The following COL9A1 variants were observed in gnomAD, a reference collection of about 807,000 sequenced individuals.
COL9A1 encodes collagen type IX alpha 1 chain.
Under a neutral mutation model 142.6 loss-of-function variants are expected in COL9A1, and 104 were observed. That is an observed-to-expected ratio of 0.73 (90% CI 0.62 to 0.86). COL9A1 has a LOEUF of 0.86. COL9A1 is among the 40% of genes least tolerant of loss of function. The probability of loss-of-function intolerance (pLI) is 0.00; values close to 1 mark genes in which losing one functional copy is unlikely to be tolerated. For synonymous variants in COL9A1, 466 were observed against 396.0 expected (o/e 1.18, Z -2.10); for missense variants, 1,210 against 1,176.6 (o/e 1.03, Z -0.42).
intron 5 of COL9A1, among the ~76,000 whole-genome samples, chr6:70,293,545 T>C (rs1369620440): frequency 6.6e-6 from 1 of 151,802 alleles, no homozygotes; most frequent in Non-Finnish European, 1.5e-5. Context: ...ACTTTCATTC[T>C]TGTTGACCAG....
intron 37 of COL9A1, among the ~76,000 whole-genome samples, chr6:70,221,620 T>G (rs997367457): frequency 3.1e-4 from 47 of 152,194 alleles, no homozygotes; most frequent in African/African-American, 1.1e-3. Flanking sequence ...CAAAGCCAGC[T>G]ACAACTTCCA....
intron 19 of COL9A1, chr6:70,261,071 G>T: frequency 9.8e-6 from 2 of 204,956 alleles, no homozygotes; most frequent in Non-Finnish European, 9.9e-6. Flanking sequence ...CATGTAACCT[G>T]GTTACATGTA....
In COL9A1 at chr6:70,270,334, G is replaced by T; in HGVS notation, c.1177C>A (p.Pro393Thr). The T allele has an allele frequency of 6.2e-7, 1 of 1,613,758 alleles. No homozygotes were observed. Among genetic ancestry groups the T allele is most frequent in the Non-Finnish European group, 8.5e-7 (1 of 1,179,840 alleles). Residue 393 changes from proline (P) to threonine (T), a missense_variant, in exon 15 of 38, where the codon CCT becomes ACT. Physicochemically the swap from Pro to Thr is conservative, Grantham distance 38. Transcript: ENST00000357250. The stretch of plus-strand genomic sequence containing the variant: ...CTTACTCTGGGTCCTGGGGGGCCAG[G>T]GGGGCCAGGTGGTCCTCTTCTCCCA... ...DPGRRGPPGP[P>T]GPPGPRGTIG...
intron 28 of COL9A1, among the ~76,000 whole-genome samples, chr6:70,244,968 G>A (rs1208098649): frequency 6.6e-6 from 1 of 152,184 alleles, no homozygotes; most frequent in African/African-American, 2.4e-5. Flanking sequence ...AGCACGGAGA[G>A]AAGGATCAGT....
At chr6:70,246,452 C>G (rs1414893282) in intron 28 of COL9A1, 1 of 152,060 alleles carries the variant, frequency 6.6e-6, no homozygotes, top group Admixed American at 6.6e-5. Flanking sequence ...ATCACTGATT[C>G]CCAGTGATAG....
intron 6 of COL9A1, chr6:70,283,129 C>A (rs1345749401): frequency 2.6e-6 from 4 of 1,534,644 alleles, no homozygotes; most frequent in Non-Finnish European, 3.5e-6. Context: ...CCGCCACTAG[C>A]ATAGGTGGCA....
At chr6:70,242,777 T>C (rs1770348633) in intron 28 of COL9A1, 62 bp from the exon 29 acceptor site, 2 of 1,505,630 alleles carry the variant, frequency 1.3e-6, no homozygotes, top group Admixed American at 1.7e-5. Context: ...TTAGTTACTA[T>C]GTAAATAAAA....
intron 37 of COL9A1, among the ~76,000 whole-genome samples, chr6:70,223,721 T>C (rs1769042417): frequency 6.6e-6 from 1 of 152,260 alleles, no homozygotes; most frequent in Non-Finnish European, 1.5e-5. Context: ...CCCTCTTCTC[T>C]GGCATCTGTG....
intron 5 of COL9A1, among the ~76,000 whole-genome samples, chr6:70,293,705 C>T (rs1342857156): frequency 6.7e-6 from 1 of 149,726 alleles, no homozygotes; most frequent in Non-Finnish European, 1.5e-5. Context: ...TCCAAATCAG[C>T]GAGTCCCTAG....
Position 70,271,694 on chromosome 6 carries a change from T to G in COL9A1, c.1104A>C (p.Thr368=), listed in dbSNP as rs1458754255. 1 of 1,613,806 alleles carries G rather than the reference T, an allele frequency of 6.2e-7. No individual in the cohort carries two copies. ...GGCCAAGCTCTCCAGGGAGTCCTGC[T>G]GTCCCAGGAGGACCCTGAAGTCAAC... is the stretch of plus-strand genomic sequence containing the variant. ...GIPGPPGPPG[T]AGLPGELGRV... The change falls in exon 14 of 38, where the codon ACA becomes ACC. Residue 368 remains threonine (T), a synonymous_variant. Coordinates refer to ENST00000357250, the MANE Select transcript of COL9A1 (RefSeq NM_001851.6).
At position 70,260,742 on chromosome 6, in the gene COL9A1, T is replaced by C. The variant is rs1397444144; in HGVS notation, c.1396-32A>G. The C allele has an allele frequency of 3.1e-6, 5 of 1,609,658 alleles. No homozygotes were observed. The Admixed American group carries it at 6.7e-5, about 21-fold the overall frequency. ...ATGTGAAAAAGAGAAGTGAATTATTTTAGTTGAAGCAAAGATTTTTAAAAA... is the reference window on the plus strand; with the variant it reads ...ATGTGAAAAAGAGAAGTGAATTATTCTAGTTGAAGCAAAGATTTTTAAAAA... On this transcript the variant is annotated intron_variant, in intron 19 of 37. Coordinates refer to ENST00000357250, the MANE Select transcript of COL9A1 (RefSeq NM_001851.6).
intron 14 of COL9A1, 138 bp from the exon 15 acceptor site, chr6:70,270,505 G>A (rs1035624849): frequency 2.1e-5 from 12 of 584,478 alleles, no homozygotes; most frequent in South Asian, 6.1e-5. Flanking sequence ...CACCAAAATC[G>A]ATGGGTGGCC....
chr6:70,245,624 G>C (rs1391210190), intron 28 of COL9A1: 1 of 152,140 alleles, frequency 6.6e-6, no homozygotes, highest in African/African-American at 2.4e-5. Flanking sequence ...AAAGGAATAA[G>C]AAGAAACTGG....
At chr6:70,217,232 T>C (rs1006599777) in intron 37 of COL9A1, 151 bp from the exon 38 acceptor site, 3 of 721,702 alleles carry the variant, frequency 4.2e-6, no homozygotes, top group Admixed American at 2.2e-5. Context: ...GTGATGATGA[T>C]GATGATGATG....
At chr6:70,270,977 T>C (rs1772362977) in intron 14 of COL9A1, among the ~76,000 whole-genome samples, 1 of 152,264 alleles carries the variant, frequency 6.6e-6, no homozygotes, top group Admixed American at 6.5e-5. Context: ...TCCTTCTTGA[T>C]GTTCTGCCAT....
At position 70,280,857 on chromosome 6, in the gene COL9A1, C is replaced by T. The variant is rs1441320695; in HGVS notation, c.930G>A (p.Pro310=). ...GCTTGCCTGGAGCTCCTGGCTTTCC[C>T]GGTTCACCTGCAGGACCCTGAGCAG... ...PPGPPGPAGE[P]GKPGAPGKPG... is the part of the protein sequence containing the mutation. Residue 310 remains proline (P), a synonymous_variant, in exon 10 of 38, where the codon CCG becomes CCA. Transcript: ENST00000357250. 12 of 1,613,280 alleles carry T rather than the reference C, an allele frequency of 7.4e-6. No individual in the cohort carries two copies. The highest frequency in any genetic ancestry group is 1.7e-5 in the Admixed American group (1 of 59,970).
chr6:70,261,416 G>A (rs1771680892), intron 19 of COL9A1, among the ~76,000 whole-genome samples: 1 of 152,190 alleles, frequency 6.6e-6, no homozygotes, highest in Non-Finnish European at 1.5e-5. Context: ...GATCCTGGAA[G>A]GAGTGAGCTT....
intron 35 of COL9A1, 79 bp from the exon 36 acceptor site, chr6:70,232,850 T>C: frequency 1.4e-6 from 2 of 1,417,036 alleles, no homozygotes; most frequent in Non-Finnish European, 2.0e-6. Flanking sequence ...GTATTCCAAA[T>C]GCCTTTTTTT....
rs530814402 is a variant in COL9A1, at chr6:70,269,750, A to G, written c.1198-85T>C. The G allele has an allele frequency of 2.8e-5, 23 of 814,342 alleles. No individual in the cohort carries two copies. In the African/African-American group the frequency reaches 3.6e-4, roughly 13 times the overall value. The allele number at this position is 814,342 out of a possible 1,614,324, so 50.4% of individuals were successfully genotyped here. On this transcript the variant is annotated intron_variant, in intron 15 of 37. Transcript: ENST00000357250. Reference sequence around the variant, plus strand: ...AATACTAGAAAGCTCATCAGGCAAAAGTATAAAATATATTTGTTTAATAAA... The same window carrying G: ...AATACTAGAAAGCTCATCAGGCAAAGGTATAAAATATATTTGTTTAATAAA...
Sources: allele counts gnomAD v4.1 joint callset (sites outside exome capture counted in the v4.1 genomes callset), GRCh38; gene constraint gnomAD v4.1.1; transcripts MANE v1.5; gene names NCBI Gene and HGNC (gene_info 2026-07-23, HGNC 2026-07-21).